Variants in NEGR1 observed in about 807,000 individuals in gnomAD.
The protein encoded by NEGR1 is neuronal growth regulator 1, also known as IgLON family member 4.
A neutral mutation model predicts 40.9 loss-of-function variants in NEGR1; 10 were observed. That is an observed-to-expected ratio of 0.24 (90% CI 0.15 to 0.42). NEGR1 has a LOEUF of 0.42. Among genes scored for constraint, NEGR1 ranks in the 10% least tolerant of loss-of-function variants. The pLI is 1.00. For missense variants in NEGR1, 352 were observed against 438.9 expected, an observed-to-expected ratio of 0.80 and a Z score of 1.77; for synonymous variants, 185 against 166.8, an observed-to-expected ratio of 1.11 and a Z score of -0.84.
chr1:71,778,608 A>G (rs566807738), intron 2 of NEGR1, among the ~76,000 whole-genome samples: 1 of 152,288 alleles, frequency 6.6e-6, no homozygotes, highest in African/African-American at 2.4e-5. Context: ...AAAATTATAT[A>G]GTGCTTTTTT....
intron 1 of NEGR1, among the ~76,000 whole-genome samples, chr1:71,962,030 T>A (rs1296174774): frequency 6.6e-6 from 1 of 152,022 alleles, no homozygotes; most frequent in East Asian, 1.9e-4. Flanking sequence ...TCCTTGTGAA[T>A]GGGGAAAATG....
rs57618301 is a variant in NEGR1 at position 72,110,221 on chromosome 1, T to TAAAAAA, written c.176+172092_176+172097dup. 6.6e-3 allele frequency among the ~76,000 whole-genome samples: 709 copies of TAAAAAA among 106,618 alleles called. 19 individuals carry two copies. The highest frequency in any genetic ancestry group is 0.022 in the African/African-American group (649 of 29,998). The allele number at this position is 106,618 out of a possible 152,430, so 69.9% of individuals were successfully genotyped here. On this transcript the variant is annotated intron_variant, in intron 1 of 6. Coordinates refer to ENST00000357731, the MANE Select transcript of NEGR1 (RefSeq NM_173808.3). ...ATGTACCCTAAAACTTAGAGTATAATAAAAAAAAAAAAAAAAAAAAAGAAT... is the reference window on the plus strand; with the variant it reads ...ATGTACCCTAAAACTTAGAGTATAATAAAAAAAAAAAAAAAAAAAAAAAAAAAGAAT...
At chr1:71,753,200 A>G (rs1389841452) in intron 3 of NEGR1, among the ~76,000 whole-genome samples, 1 of 152,188 alleles carries the variant, frequency 6.6e-6, no homozygotes, top group Non-Finnish European at 1.5e-5. Context: ...CTGGCAGACA[A>G]TAGTATTCAC....
At chr1:71,528,347 T>C (rs1647253012) in intron 6 of NEGR1, among the ~76,000 whole-genome samples, 1 of 151,454 alleles carries the variant, frequency 6.6e-6, no homozygotes, top group South Asian at 2.1e-4. Context: ...AAGTAATGGA[T>C]AGTTATACAT....
chr1:71,534,384 G>T (rs1569997434), intron 6 of NEGR1, among the ~76,000 whole-genome samples: 1 of 151,758 alleles, frequency 6.6e-6, no homozygotes. Flanking sequence ...GTTTACATGT[G>T]TCCCGTTCTG....
At chr1:71,662,206 A>T (rs1021525433) in intron 4 of NEGR1, among the ~76,000 whole-genome samples, 2 of 152,224 alleles carry the variant, frequency 1.3e-5, no homozygotes. Context: ...AGTTTTCCTC[A>T]TTAGTAAATG....
At chr1:71,560,483 C>G (rs767524966) in intron 6 of NEGR1, among the ~76,000 whole-genome samples, 2 of 131,004 alleles carry the variant, frequency 1.5e-5, no homozygotes, top group Non-Finnish European at 3.3e-5. Context: ...ATCATTCTGT[C>G]AATTCTCTAA....
intron 3 of NEGR1, among the ~76,000 whole-genome samples, chr1:71,705,126 T>A (rs1386885669): frequency 6.6e-6 from 1 of 152,160 alleles, no homozygotes; most frequent in Non-Finnish European, 1.5e-5. Flanking sequence ...CAAAGACTTC[T>A]ATGAAAAATA....
intron 1 of NEGR1, among the ~76,000 whole-genome samples, chr1:72,164,060 G>A (rs1180157729): frequency 6.6e-6 from 1 of 151,566 alleles, no homozygotes; most frequent in African/African-American, 2.4e-5. Context: ...CAAGAAGGTT[G>A]GATGGGAAAG....
chr1:71,534,636 T>C (rs1647458587), intron 6 of NEGR1, among the ~76,000 whole-genome samples: 3 of 151,798 alleles, frequency 2.0e-5, no homozygotes, highest in Admixed American at 2.0e-4. Context: ...AGAATCTTAC[T>C]AAGGAGAGTC....
At chr1:72,082,878 T>C (rs1648062134) in intron 1 of NEGR1, among the ~76,000 whole-genome samples, 1 of 152,122 alleles carries the variant, frequency 6.6e-6, no homozygotes, top group Admixed American at 6.6e-5. Context: ...AAAGAAATGG[T>C]AACCAAAATC....
intron 1 of NEGR1, 139 bp downstream of exon 1, chr1:72,282,180 C>T (rs1415667548): frequency 9.6e-7 from 1 of 1,046,394 alleles, no homozygotes; most frequent in Non-Finnish European, 1.4e-6. Context: ...GAATCTGCAC[C>T]TGGAATTCTT....
chr1:72,279,422 GTTATGCCACTATTTGT>G (rs1656170304), intron 1 of NEGR1, among the ~76,000 whole-genome samples: 1 of 152,030 alleles, frequency 6.6e-6, no homozygotes, highest in African/African-American at 2.4e-5. Flanking sequence ...TTTGATAACT[GTTATGCCACTATTTGT>G]TTTTTATTAA....
rs569389156 is a variant in NEGR1, at chr1:72,255,472, A to G, written c.176+26847T>C. ...GTATCTTCATTCATCCTGGGTGTTGATATACTCTGACCCTTGTGTGGTACT... is the reference window on the plus strand; with the variant it reads ...GTATCTTCATTCATCCTGGGTGTTGGTATACTCTGACCCTTGTGTGGTACT... On this transcript the variant is annotated intron_variant, in intron 1 of 6. Transcript: ENST00000357731. Among the ~76,000 whole-genome samples the G allele has an allele frequency of 5.3e-5, 8 of 152,042 alleles. No homozygotes were observed. The East Asian group carries it at 1.5e-3, about 29-fold the overall frequency.
At chr1:71,714,256 A>C (rs1478086664) in intron 3 of NEGR1, among the ~76,000 whole-genome samples, 1 of 152,198 alleles carries the variant, frequency 6.6e-6, no homozygotes, top group African/African-American at 2.4e-5. Context: ...AACCATCCCC[A>C]TGATTCAATT....
intron 1 of NEGR1, among the ~76,000 whole-genome samples, chr1:72,139,099 C>A (rs192914136): frequency 1.4e-4 from 21 of 147,868 alleles, no homozygotes; most frequent in South Asian, 2.1e-4. Flanking sequence ...GCTCATGAGT[C>A]AAAAAAAAAA....
intron 6 of NEGR1, among the ~76,000 whole-genome samples, chr1:71,489,018 T>G (rs357219): frequency 0.091 from 13,808 of 151,776 alleles, 1,598 homozygotes; most frequent in African/African-American, 0.27. Context: ...CTTACAGAGT[T>G]CTTGTGAAGA....
At chr1:71,573,820 T>C (rs779231190) in intron 6 of NEGR1, among the ~76,000 whole-genome samples, 1 of 152,180 alleles carries the variant, frequency 6.6e-6, no homozygotes, top group Non-Finnish European at 1.5e-5. Flanking sequence ...ATCTAGATTA[T>C]GGTGACCTAA....
intron 1 of NEGR1, among the ~76,000 whole-genome samples, chr1:71,961,019 T>G (rs1646161553): frequency 6.6e-6 from 1 of 152,168 alleles, no homozygotes; most frequent in Non-Finnish European, 1.5e-5. Flanking sequence ...TACAAATAAA[T>G]TATTATAGCA....
Sources: allele counts gnomAD v4.1 joint callset (sites outside exome capture counted in the v4.1 genomes callset), GRCh38; gene constraint gnomAD v4.1.1; transcripts MANE v1.5; gene names NCBI Gene and HGNC (gene_info 2026-07-23, HGNC 2026-07-21).